ETS1: variants seen among roughly 807,000 people sequenced by gnomAD.
The protein encoded by ETS1 is protein C-ets-1.
Under a neutral mutation model 58.6 loss-of-function variants are expected in ETS1, and 15 were observed. The observed-to-expected ratio is 0.26, with a 90% CI of 0.17 to 0.39. The LOEUF is 0.39. Among genes scored for constraint, ETS1 ranks in the 10% least tolerant of loss-of-function variants. ETS1 has a pLI of 1.00. For synonymous variants in ETS1, 214 were observed against 218.2 expected (o/e 0.98, Z 0.17); for missense variants, 417 against 610.5 (o/e 0.68, Z 3.34).
At chr11:128,467,415 G>C (rs1053629710) in intron 8 of ETS1, among the ~76,000 whole-genome samples, 2 of 152,114 alleles carry the variant, frequency 1.3e-5, no homozygotes, top group African/African-American at 2.4e-5. Flanking sequence ...TCCCAGTTAC[G>C]ACTCTTCTAG....
At chr11:128,502,162 T>C (rs1863108306) in intron 3 of ETS1, among the ~76,000 whole-genome samples, 1 of 152,238 alleles carries the variant, frequency 6.6e-6, no homozygotes, top group Admixed American at 6.5e-5. Context: ...AAGTCTGCCC[T>C]GTATGCACAG....
chr11:128,562,664 T>C (rs548219888), intron 2 of ETS1, among the ~76,000 whole-genome samples: 1 of 152,310 alleles, frequency 6.6e-6, no homozygotes, highest in South Asian at 2.1e-4. Context: ...AGTTGGACAA[T>C]GGACACACCT....
At chr11:128,488,790 A>G (rs1862710536) in intron 5 of ETS1, among the ~76,000 whole-genome samples, 1 of 152,144 alleles carries the variant, frequency 6.6e-6, no homozygotes, top group Non-Finnish European at 1.5e-5. Context: ...AAAAGGTATG[A>G]TGCACTACTG....
chr11:128,558,178 G>A (rs1353146189), intron 2 of ETS1, among the ~76,000 whole-genome samples: 1 of 152,334 alleles, frequency 6.6e-6, no homozygotes. Context: ...GTGGGACTCA[G>A]TGGAAATGTC....
intron 2 of ETS1, chr11:128,572,328 A>G (rs993959157): frequency 6.6e-6 from 1 of 152,206 alleles, no homozygotes; most frequent in Non-Finnish European, 1.5e-5. Context: ...TAAGAAAAAA[A>G]AAATTCAACA....
At chr11:128,465,531 G>A (rs756979838) in intron 8 of ETS1, among the ~76,000 whole-genome samples, 1 of 152,100 alleles carries the variant, frequency 6.6e-6, no homozygotes, top group Non-Finnish European at 1.5e-5. Context: ...ATCCTAACAG[G>A]CACAAAGAAG....
rs1862407820 is a variant in ETS1 at position 128,478,934 on chromosome 11, AAAGT to A, written c.1123+1253_1123+1256del. On this transcript the variant is annotated intron_variant, in intron 8 of 9. Coordinates refer to ENST00000392668, the MANE Select transcript of ETS1 (RefSeq NM_001143820.2). ...ACCACCAGGGTATTGTAGAAAGAAT[AAAGT>A]AAGGACCTTTAAGTTCCATTCCTGG... Among the ~76,000 whole-genome samples, 5 of 152,362 alleles carry A rather than the reference AAAGT, an allele frequency of 3.3e-5. No individual in the cohort carries two copies. In the South Asian group the frequency reaches 8.3e-4, roughly 25 times the overall value.
chr11:128,587,118 G>T (rs1380580811), intron 1 of ETS1, among the ~76,000 whole-genome samples: 1 of 143,316 alleles, frequency 7.0e-6, no homozygotes. Context: ...AGAATAAAAA[G>T]AAATTTATAT....
intron 3 of ETS1, among the ~76,000 whole-genome samples, chr11:128,533,623 C>A (rs946482008): frequency 2.6e-5 from 4 of 152,166 alleles, no homozygotes; most frequent in African/African-American, 9.7e-5. Context: ...TTCTGGAAAG[C>A]CCTGTTCTAC....
chr11:128,530,231 TC>T (rs1266222297), intron 3 of ETS1: 1 of 152,290 alleles, frequency 6.6e-6, no homozygotes, highest in Non-Finnish European at 1.5e-5. Context: ...TCACTCCACA[TC>T]TTGCATCAGC....
At chr11:128,486,216 G>T in intron 5 of ETS1, 70 bp from the exon 6 acceptor site, 3 of 945,586 alleles carry the variant, frequency 3.2e-6, no homozygotes, top group Non-Finnish European at 5.1e-6. Flanking sequence ...AAAGGATCTT[G>T]GATGCAAAGA....
chr11:128,577,232 C>G (rs1037171512), intron 1 of ETS1, among the ~76,000 whole-genome samples: 1 of 152,168 alleles, frequency 6.6e-6, no homozygotes, highest in African/African-American at 2.4e-5. Context: ...AATAGAGAAT[C>G]TGAATAGATT....
intron 3 of ETS1, among the ~76,000 whole-genome samples, chr11:128,528,482 T>C (rs1405982160): frequency 2.6e-5 from 4 of 152,198 alleles, no homozygotes; most frequent in Non-Finnish European, 5.9e-5. Flanking sequence ...AGTTGCCACT[T>C]TTCTGCTCAG....
intron 3 of ETS1, among the ~76,000 whole-genome samples, chr11:128,513,759 A>G (rs1399630349): frequency 6.6e-6 from 1 of 152,230 alleles, no homozygotes; most frequent in Non-Finnish European, 1.5e-5. Flanking sequence ...GGGTATTTCA[A>G]AATCAGACTT....
chr11:128,587,417 T>A (rs1233590367), intron 1 of ETS1, 71 bp downstream of exon 1: 2 of 152,362 alleles, frequency 1.3e-5, no homozygotes, highest in African/African-American at 4.8e-5. Context: ...ACTCTTTAAT[T>A]CCACAGAAAT....
intron 8 of ETS1, among the ~76,000 whole-genome samples, chr11:128,478,651 T>C (rs1479033213): frequency 6.6e-6 from 1 of 152,184 alleles, no homozygotes; most frequent in East Asian, 1.9e-4. Context: ...CTGCCTTTCC[T>C]TTCTCTTCCC....
At position 128,528,966 on chromosome 11, in the gene ETS1, T is replaced by C. The variant is rs561755383; in HGVS notation, c.214+27325A>G. On this transcript the variant is annotated intron_variant, in intron 3 of 9. Transcript: ENST00000392668. Reference sequence around the variant, plus strand: ...ACCACGAAGTAAATCAGTTGTTTGATTGTCAGCCTGGACGTTTTATACATC... The same window carrying C: ...ACCACGAAGTAAATCAGTTGTTTGACTGTCAGCCTGGACGTTTTATACATC... The C allele has an allele frequency of 3.3e-5, 5 of 152,338 alleles. No homozygotes were observed. In the South Asian group the frequency reaches 1.0e-3, roughly 32 times the overall value. 9.4% of individuals were successfully genotyped at this position (152,338 alleles called of 1,614,324 possible). A position where few individuals can be genotyped will look rare whatever the true frequency, so the allele number is the denominator to read the frequency against.
At chr11:128,491,464 G>A (rs1467362320) in intron 3 of ETS1, among the ~76,000 whole-genome samples, 3 of 152,204 alleles carry the variant, frequency 2.0e-5, no homozygotes, top group African/African-American at 7.2e-5. Flanking sequence ...AACAGGAAAG[G>A]CCTCCCTTAG....
intron 3 of ETS1, among the ~76,000 whole-genome samples, chr11:128,554,565 C>G (rs1001265514): frequency 3.3e-5 from 5 of 152,014 alleles, no homozygotes; most frequent in African/African-American, 1.2e-4. Context: ...GAAAAATCAT[C>G]TCCACTTGGG....
Sources: gnomAD v4.1 joint callset for allele counts (sites outside exome capture counted in the v4.1 genomes callset) on GRCh38, gnomAD v4.1.1 for gene constraint, MANE v1.5 for transcripts, NCBI Gene and HGNC (gene_info 2026-07-23, HGNC 2026-07-21) for gene names.